The following TTLL11 variants were observed in gnomAD, a reference collection of about 807,000 sequenced individuals.
TTLL11 encodes the protein tubulin tyrosine ligase like 11.
TTLL11 carries 42 observed loss-of-function variants against 51.7 expected under a neutral mutation model. The observed-to-expected ratio is 0.81, with a 90% CI of 0.64 to 1.05. The LOEUF is 1.05. TTLL11 is among the 50% of genes least tolerant of loss of function. The probability of loss-of-function intolerance (pLI) is 0.00; values close to 1 mark genes in which losing one functional copy is unlikely to be tolerated. For synonymous variants in TTLL11, 381 were observed against 383.5 expected (o/e 0.99, Z 0.08); for missense variants, 799 against 940.4 (o/e 0.85, Z 1.97).
chr9:121,842,217 G>A (rs1162132488), intron 8 of TTLL11, among the ~76,000 whole-genome samples: 2 of 151,690 alleles, frequency 1.3e-5, no homozygotes, highest in Non-Finnish European at 2.9e-5. Context: ...AAACAAGGGG[G>A]TTGAAAGAGA....
intron 6 of TTLL11, among the ~76,000 whole-genome samples, chr9:121,972,047 G>A (rs1842593599): frequency 6.6e-6 from 1 of 151,672 alleles, no homozygotes; most frequent in South Asian, 2.1e-4. Flanking sequence ...ATGTTGATGG[G>A]TGCAGCAAAT....
intron 8 of TTLL11, among the ~76,000 whole-genome samples, chr9:121,833,937 T>C (rs1837103341): frequency 6.6e-6 from 1 of 152,184 alleles, no homozygotes. Flanking sequence ...AGCCCTTCTC[T>C]CTCCCCAGTC....
At chr9:121,935,530 T>G (rs1321563233) in intron 6 of TTLL11, among the ~76,000 whole-genome samples, 4 of 152,196 alleles carry the variant, frequency 2.6e-5, no homozygotes, top group Non-Finnish European at 5.9e-5. Context: ...TGTGGGGAAA[T>G]GAAAAGCCAC....
intron 3 of TTLL11, among the ~76,000 whole-genome samples, chr9:122,015,728 T>C (rs923532499): frequency 1.3e-5 from 2 of 150,920 alleles, no homozygotes; most frequent in East Asian, 3.9e-4. Flanking sequence ...GCCCACCCTG[T>C]TGTGAAGTGA....
chr9:121,981,778 G>A (rs1263581663), intron 4 of TTLL11, among the ~76,000 whole-genome samples: 1 of 152,150 alleles, frequency 6.6e-6, no homozygotes, highest in African/African-American at 2.4e-5. Flanking sequence ...TCATCCCAGG[G>A]AGAATTTAAC....
intron 6 of TTLL11, among the ~76,000 whole-genome samples, chr9:121,874,765 T>TTC (rs956361808): frequency 6.6e-6 from 1 of 151,614 alleles, no homozygotes; most frequent in Non-Finnish European, 1.5e-5. Context: ...AATTTTTTTT[T>TTC]TTTTTTTTTG....
intron 6 of TTLL11, among the ~76,000 whole-genome samples, chr9:121,962,896 C>T (rs1842282089): frequency 6.6e-6 from 1 of 152,222 alleles, no homozygotes. Context: ...GACCCTGCCC[C>T]AAAGTTTACA....
chr9:122,092,963 G>C lies in TTLL11; in HGVS notation c.186C>G (p.Val62=). ...ECKAGEEQPK[V]LAPAPAQPSA... ...TGGGCTGCGCCGGGGCCGGGGCCAG[G>C]ACCTTGGGCTGCTCCTCCCCTGCCT... is the stretch of plus-strand genomic sequence containing the variant. The change falls in exon 1 of 9, where the codon GTC becomes GTG. Residue 62 remains valine, a synonymous_variant. Transcript: ENST00000321582. The C allele has an allele frequency of 6.3e-7, 1 of 1,578,068 alleles. No homozygotes were observed. Among genetic ancestry groups the C allele is most frequent in the Non-Finnish European group, 8.5e-7 (1 of 1,170,778 alleles).
chr9:121,952,146 C>T (rs775177436), intron 6 of TTLL11, among the ~76,000 whole-genome samples: 1 of 152,130 alleles, frequency 6.6e-6, no homozygotes, highest in Non-Finnish European at 1.5e-5. Flanking sequence ...AACAACACAG[C>T]CCAAAAGTGG....
intron 6 of TTLL11, among the ~76,000 whole-genome samples, chr9:121,934,307 C>T (rs557814539): frequency 1.8e-3 from 271 of 152,098 alleles, no homozygotes; most frequent in Non-Finnish European, 2.3e-3. Context: ...TTACCCATGC[C>T]AAACTATATA....
chr9:122,007,843 G>A (rs1843698369), intron 3 of TTLL11, among the ~76,000 whole-genome samples: 1 of 152,168 alleles, frequency 6.6e-6, no homozygotes, highest in Non-Finnish European at 1.5e-5. Flanking sequence ...TAGTCTTAAA[G>A]TATCTTCCCA....
At chr9:121,937,009 T>C (rs554900445) in intron 6 of TTLL11, among the ~76,000 whole-genome samples, 3 of 152,362 alleles carry the variant, frequency 2.0e-5, no homozygotes, top group East Asian at 3.9e-4. Context: ...GACAAGGATT[T>C]TGGTTTAAAC....
At chr9:122,010,617 G>C (rs1210145173) in intron 3 of TTLL11, among the ~76,000 whole-genome samples, 3 of 152,228 alleles carry the variant, frequency 2.0e-5, no homozygotes, top group Admixed American at 6.5e-5. Flanking sequence ...CTAACCATTA[G>C]TTATGCTGCT....
At chr9:122,034,711 G>T (rs1271914504) in intron 2 of TTLL11, among the ~76,000 whole-genome samples, 2 of 152,186 alleles carry the variant, frequency 1.3e-5, no homozygotes, top group African/African-American at 4.8e-5. Context: ...TCTCCATTAT[G>T]ACCCTGACAA....
chr9:121,910,947 A>G (rs926651917), intron 6 of TTLL11, among the ~76,000 whole-genome samples: 6 of 152,198 alleles, frequency 3.9e-5, no homozygotes, highest in Non-Finnish European at 7.3e-5. Context: ...AGTCATAGAG[A>G]TTTTTTTAAT....
At position 122,083,532 on chromosome 9, in the gene TTLL11, C is replaced by A. The variant is rs187641809; in HGVS notation, c.462+9155G>T. On this transcript the variant is annotated intron_variant, in intron 1 of 8. Coordinates refer to ENST00000321582, the MANE Select transcript of TTLL11 (RefSeq NM_001139442.2). ...TACAAGAATAAGAAAAAAATCTGGG[C>A]CAGGCACGGTGGCTCACACCTGTAA... Among the ~76,000 whole-genome samples the A allele has an allele frequency of 3.9e-5, 6 of 152,284 alleles. No homozygotes were observed. In the East Asian group the frequency reaches 9.6e-4, roughly 24 times the overall value.
At chr9:121,878,381 C>T (rs1365397068) in intron 6 of TTLL11, among the ~76,000 whole-genome samples, 1 of 152,192 alleles carries the variant, frequency 6.6e-6, no homozygotes, top group Non-Finnish European at 1.5e-5. Context: ...CAATCTGTTA[C>T]TTTACATTCC....
chr9:121,969,158 C>T (rs1842490999), intron 6 of TTLL11, among the ~76,000 whole-genome samples: 1 of 152,184 alleles, frequency 6.6e-6, no homozygotes, highest in Non-Finnish European at 1.5e-5. Flanking sequence ...GTGTGAGCCA[C>T]CGTGCCCGGC....
intron 3 of TTLL11, among the ~76,000 whole-genome samples, chr9:122,009,992 CTTTG>C (rs892865644): frequency 6.6e-6 from 1 of 152,048 alleles, no homozygotes; most frequent in Non-Finnish European, 1.5e-5. Flanking sequence ...TCCTCTTTGT[CTTTG>C]TATCTCTCCA....
Sources: allele counts gnomAD v4.1 joint callset (sites outside exome capture counted in the v4.1 genomes callset), GRCh38; gene constraint gnomAD v4.1.1; transcripts MANE v1.5; gene names NCBI Gene and HGNC (gene_info 2026-07-23, HGNC 2026-07-21).